Variants in PECAM1 observed in about 807,000 individuals in gnomAD.
PECAM1 encodes platelet and endothelial cell adhesion molecule 1.
Under a neutral mutation model 13.8 loss-of-function variants are expected in PECAM1, and 8 were observed. The ratio of observed to expected loss-of-function variants is 0.58; its 90% CI spans 0.34 to 1.05. PECAM1 has a LOEUF of 1.05. PECAM1 is among the 50% of genes least tolerant of loss of function. The pLI, the probability that PECAM1 is intolerant of heterozygous loss-of-function variation, is 0.03. For synonymous variants in PECAM1, 136 were observed against 52.6 expected (o/e 2.58, Z -6.86); for missense variants, 304 against 141.2 (o/e 2.15, Z -5.84).
intron 7 of PECAM1, among the ~76,000 whole-genome samples, chr17:64,359,354 G>A (rs2035920900): frequency 6.6e-6 from 1 of 152,146 alleles, no homozygotes; most frequent in African/African-American, 2.4e-5. Flanking sequence ...CCACCCCCAA[G>A]ACAATGGTAT....
chr17:64,385,988 A>C (rs2036584636), intron 2 of PECAM1, among the ~76,000 whole-genome samples: 1 of 152,190 alleles, frequency 6.6e-6, no homozygotes, highest in South Asian at 2.1e-4. Flanking sequence ...GAGGGGTGTG[A>C]CAGCACCCAA....
At chr17:64,329,221 T>G (rs1335479391) in intron 15 of PECAM1, among the ~76,000 whole-genome samples, 1 of 152,136 alleles carries the variant, frequency 6.6e-6, no homozygotes, top group Non-Finnish European at 1.5e-5. Context: ...CATAGCTCAC[T>G]TTGCTTTATG....
At chr17:64,370,241 T>A (rs1294814762) in intron 4 of PECAM1, 1 of 362,960 alleles carries the variant, frequency 2.8e-6, no homozygotes, top group Non-Finnish European at 4.9e-6. Context: ...TCACTGCAAT[T>A]CTCTGGGTTT....
intron 14 of PECAM1, among the ~76,000 whole-genome samples, chr17:64,336,921 AAAG>A (rs2035294249): frequency 6.6e-6 from 1 of 151,930 alleles, no homozygotes; most frequent in Non-Finnish European, 1.5e-5. Context: ...AGAAAGATAG[AAAG>A]AAGGAGGAAA....
intron 15 of PECAM1, among the ~76,000 whole-genome samples, chr17:64,327,523 G>A (rs913376095): frequency 2.0e-5 from 3 of 152,186 alleles, no homozygotes; most frequent in African/African-American, 7.2e-5. Flanking sequence ...TGGCCTCCAG[G>A]AAGGGGGGAG....
In PECAM1 at chr17:64,321,858, C is replaced by T. The variant is rs1478601654; in HGVS notation, c.*1958G>A. 3 of 1,349,920 alleles carry T rather than the reference C, an allele frequency of 2.2e-6. No homozygotes were observed. The highest frequency in any genetic ancestry group is 2.9e-6 in the Non-Finnish European group (3 of 1,020,046). 83.6% of individuals were successfully genotyped at this position (1,349,920 alleles called of 1,614,324 possible). On this transcript the variant is annotated 3_prime_UTR_variant, in exon 16 of 16. Transcript: ENST00000563924. ...TGCAGCTCCCGTGGCAATTGCCCTT[C>T]TCTGGTGGTGGCAAGGGACTAAGGA...
intron 15 of PECAM1, among the ~76,000 whole-genome samples, chr17:64,324,942 T>C (rs2034904468): frequency 6.6e-6 from 1 of 152,214 alleles, no homozygotes; most frequent in African/African-American, 2.4e-5. Flanking sequence ...GGAGTAGCCA[T>C]TCTTTTGTTT....
chr17:64,340,991 G>C (rs1212745236), intron 14 of PECAM1, among the ~76,000 whole-genome samples: 2 of 152,054 alleles, frequency 1.3e-5, no homozygotes, highest in African/African-American at 4.8e-5. Context: ...CAGCTACTCA[G>C]GAGGCTGAGG....
At chr17:64,334,949 A>G (rs2035233285) in intron 14 of PECAM1, among the ~76,000 whole-genome samples, 1 of 152,088 alleles carries the variant, frequency 6.6e-6, no homozygotes, top group Non-Finnish European at 1.5e-5. Flanking sequence ...TCCTTCCAAC[A>G]AGAAGCAGAG....
intron 2 of PECAM1, among the ~76,000 whole-genome samples, chr17:64,386,356 G>A (rs1211090863): frequency 7.0e-6 from 1 of 143,652 alleles, no homozygotes; most frequent in Non-Finnish European, 1.5e-5. Flanking sequence ...AGTGAGCTGA[G>A]ATCCAACCAC....
chr17:64,368,538 T>C (rs1445533276), intron 5 of PECAM1, among the ~76,000 whole-genome samples: 1 of 152,122 alleles, frequency 6.6e-6, no homozygotes, highest in African/African-American at 2.4e-5. Flanking sequence ...TGAATTGTTA[T>C]GAGCATGAAA....
chr17:64,364,266 T>C (rs978120436), intron 5 of PECAM1, among the ~76,000 whole-genome samples: 1 of 152,238 alleles, frequency 6.6e-6, no homozygotes, highest in East Asian at 1.9e-4. Flanking sequence ...CTCCCAAGAC[T>C]AAACCAGGAA....
rs1375480165 is a variant in PECAM1, at chr17:64,323,195, T to C, written c.*621A>G. On this transcript the variant is annotated 3_prime_UTR_variant, in exon 16 of 16. Coordinates refer to ENST00000563924, the MANE Select transcript of PECAM1 (RefSeq NM_000442.5). ...CTTGTTCCACCTTCATTTTCTGTTT[T>C]GTGCGTTGCCTGAATGAACGGTGTC... The C allele has an allele frequency of 1.0e-6, 1 of 987,550 alleles. No homozygotes were observed. Among genetic ancestry groups the C allele is most frequent in the Non-Finnish European group, 1.2e-6 (1 of 831,390 alleles). The allele number at this position is 987,550 out of a possible 1,614,324, so 61.2% of individuals were successfully genotyped here. A position where few individuals can be genotyped will look rare whatever the true frequency, so the allele number is the denominator to read the frequency against.
At chr17:64,384,397 C>A (rs996333268) in intron 2 of PECAM1, among the ~76,000 whole-genome samples, 1 of 152,160 alleles carries the variant, frequency 6.6e-6, no homozygotes, top group Non-Finnish European at 1.5e-5. Flanking sequence ...AGATGCCCCC[C>A]CCAATGGTCC....
At chr17:64,338,838 C>T (rs2035352127) in intron 14 of PECAM1, among the ~76,000 whole-genome samples, 2 of 152,226 alleles carry the variant, frequency 1.3e-5, no homozygotes, top group South Asian at 4.2e-4. Flanking sequence ...GGATTACAGG[C>T]GTGAGCCACT....
rs1384237450 is a variant in PECAM1 at position 64,361,127 on chromosome 17, A to ATGTGTGTGTGTGTGTGTGTGTGTGTG, written c.1217-713_1217-712insCACACACACACACACACACACACACA. The stretch of plus-strand genomic sequence containing the variant: ...TGAGCCACCACACCTGGCTGAGCAT[A>ATGTGTGTGTGTGTGTGTGTGTGTGTG]TATGTGTGTGTGTGTGTGTGTGTGT... On this transcript the variant is annotated intron_variant, in intron 6 of 15. Coordinates refer to ENST00000563924, the MANE Select transcript of PECAM1 (RefSeq NM_000442.5). Among the ~76,000 whole-genome samples, 19 of 47,008 alleles carry ATGTGTGTGTGTGTGTGTGTGTGTGTG rather than the reference A, an allele frequency of 4.0e-4. 1 individual carries two copies. Among genetic ancestry groups the ATGTGTGTGTGTGTGTGTGTGTGTGTG allele is most frequent in the African/African-American group, 8.9e-4 (18 of 20,136 alleles). The allele number at this position is 47,008 out of a possible 152,430, so 30.8% of individuals were successfully genotyped here. A position where few individuals can be genotyped will look rare whatever the true frequency, so the allele number is the denominator to read the frequency against.
rs2036653111 is a variant in PECAM1, at chr17:64,388,677, T to C, written c.91+1812A>G. 3.3e-5 allele frequency among the ~76,000 whole-genome samples: 5 copies of C among 152,232 alleles called. No individual in the cohort carries two copies. The South Asian group carries it at 8.3e-4, about 25-fold the overall frequency. ...AATCGGTTCTTTCTTTCTTTCTTTC[T>C]TTTTTTCTGAGACAAAGTCCTGCTC... is the stretch of plus-strand genomic sequence containing the variant. On this transcript the variant is annotated intron_variant, in intron 2 of 15. Transcript: ENST00000563924.
intron 4 of PECAM1, among the ~76,000 whole-genome samples, chr17:64,374,643 G>A (rs935477610): frequency 0.022 from 3,386 of 152,128 alleles, 68 homozygotes; most frequent in Non-Finnish European, 0.033. Context: ...AATTAGTCAG[G>A]TGTGGTGCTG....
chr17:64,357,657 G>A (rs1298265676), intron 7 of PECAM1, among the ~76,000 whole-genome samples: 1 of 152,148 alleles, frequency 6.6e-6, no homozygotes, highest in South Asian at 2.1e-4. Context: ...CCCACCAGCT[G>A]TCTGCCCTAA....
Sources: allele counts gnomAD v4.1 joint callset (sites outside exome capture counted in the v4.1 genomes callset), GRCh38; gene constraint gnomAD v4.1.1; transcripts MANE v1.5; gene names NCBI Gene and HGNC (gene_info 2026-07-23, HGNC 2026-07-21).